PREX2: variants seen among roughly 807,000 people sequenced by gnomAD.
PREX2 encodes phosphatidylinositol 3,4,5-trisphosphate-dependent Rac exchanger 2 protein.
PREX2 carries 107 observed loss-of-function variants against 203.2 expected under a neutral mutation model. The ratio of observed to expected loss-of-function variants is 0.53; its 90% CI spans 0.45 to 0.62. PREX2 has a LOEUF of 0.62. Ranked by LOEUF, PREX2 falls within the 20% of genes least tolerant of loss-of-function variation. PREX2 has a pLI of 0.00. For missense variants in PREX2, 1,777 were observed against 1,955.9 expected (o/e 0.91, Z 1.72); for synonymous variants, 672 against 663.6 (o/e 1.01, Z -0.19).
At position 68,055,950 on chromosome 8, in the gene PREX2, C is replaced by T. The variant is rs201801050; in HGVS notation, c.1214C>T (p.Thr405Met). 1.7e-4 allele frequency: 279 copies of T among 1,611,930 alleles called. No homozygotes were observed. Among genetic ancestry groups the T allele is most frequent in the Non-Finnish European group, 2.1e-4 (248 of 1,179,342 alleles). The change falls in exon 10 of 40, where the codon ACG (threonine) becomes ATG (methionine). Residue 405 changes from threonine (T) to methionine (M), a missense_variant. By Grantham distance (81) the Thr-to-Met change is moderately conservative. Transcript: ENST00000288368. ...LIKDRKRKLT[T>M]FPKCFLGSEF... is the part of the protein sequence containing the mutation. ...AAAGACCGAAAGAGAAAACTGACTA[C>T]GTTCCCTAAATGCTTTCTTGGAAGG...
intron 23 of PREX2, among the ~76,000 whole-genome samples, chr8:68,104,538 G>T (rs544984984): frequency 6.6e-6 from 1 of 152,304 alleles, no homozygotes; most frequent in Non-Finnish European, 1.5e-5. Flanking sequence ...GCCAGCTTCA[G>T]TGAGGCCTGT....
At chr8:68,074,754 G>A (rs980919843) in intron 14 of PREX2, among the ~76,000 whole-genome samples, 8 of 152,172 alleles carry the variant, frequency 5.3e-5, no homozygotes, top group African/African-American at 1.9e-4. Context: ...TGAATGTCCA[G>A]TATGGACTGA....
intron 18 of PREX2, among the ~76,000 whole-genome samples, chr8:68,085,261 T>G (rs1384984631): frequency 6.6e-6 from 1 of 152,244 alleles, no homozygotes; most frequent in African/African-American, 2.4e-5. Context: ...TGTTGTCTTC[T>G]CATTTTATTA....
intron 1 of PREX2, among the ~76,000 whole-genome samples, chr8:67,998,093 G>C (rs1011577578): frequency 6.6e-6 from 1 of 152,146 alleles, no homozygotes; most frequent in Non-Finnish European, 1.5e-5. Context: ...ATATTTTATA[G>C]CCTAGTTGTC....
At chr8:68,126,208 T>G (rs1366003423) in intron 30 of PREX2, among the ~76,000 whole-genome samples, 1 of 152,132 alleles carries the variant, frequency 6.6e-6, no homozygotes, top group Non-Finnish European at 1.5e-5. Flanking sequence ...CAGTGATAAT[T>G]TAAAGTTTTA....
At chr8:67,975,278 T>G (rs1806044954) in intron 1 of PREX2, among the ~76,000 whole-genome samples, 1 of 64,334 alleles carries the variant, frequency 1.6e-5, no homozygotes, top group East Asian at 1.3e-3. Context: ...GCCTGTTTTT[T>G]TTTTTTTTTT....
At chr8:67,954,837 C>G (rs1235403655) in intron 1 of PREX2, among the ~76,000 whole-genome samples, 1 of 151,972 alleles carries the variant, frequency 6.6e-6, no homozygotes, top group Non-Finnish European at 1.5e-5. Flanking sequence ...CTTAACTGCC[C>G]TATAAATAAG....
At chr8:68,148,481 C>T (rs1811371013) in intron 34 of PREX2, among the ~76,000 whole-genome samples, 1 of 152,128 alleles carries the variant, frequency 6.6e-6, no homozygotes, top group South Asian at 2.1e-4. Flanking sequence ...AAAATTATTG[C>T]ATCTATGACA....
At chr8:68,130,869 T>C (rs1415119236) in intron 31 of PREX2, among the ~76,000 whole-genome samples, 2 of 152,168 alleles carry the variant, frequency 1.3e-5, no homozygotes, top group Admixed American at 6.6e-5. Flanking sequence ...CAGTACTTCC[T>C]TGGGGAGAGG....
intron 1 of PREX2, among the ~76,000 whole-genome samples, chr8:67,969,484 T>A (rs1184919825): frequency 6.6e-6 from 1 of 152,060 alleles, no homozygotes; most frequent in East Asian, 1.9e-4. Context: ...GGATGGACCA[T>A]CCCATAATAA....
chr8:68,134,183 G>T lies in PREX2; in HGVS notation c.3891G>T (p.Glu1297Asp). The T allele has an allele frequency of 6.2e-7, 1 of 1,614,154 alleles. No individual in the cohort carries two copies. Among genetic ancestry groups the T allele is most frequent in the South Asian group, 1.1e-5 (1 of 91,088 alleles). The change falls in exon 32 of 40, where the codon GAG becomes GAT. Residue 1297 changes from glutamate to aspartate, a missense_variant. Transcript: ENST00000288368. The part of the protein sequence containing the change: ...NQMFDNSKEN[E>D]METWEASRRW... ...TGTTTGACAACAGCAAGGAAAATGAGATGGAAACTTGGGAAGCCAGCAGGA... is the reference window on the plus strand; with the variant it reads ...TGTTTGACAACAGCAAGGAAAATGATATGGAAACTTGGGAAGCCAGCAGGA...
intron 13 of PREX2, among the ~76,000 whole-genome samples, chr8:68,071,688 G>C (rs1809199149): frequency 1.3e-5 from 2 of 152,166 alleles, no homozygotes; most frequent in Admixed American, 1.3e-4. Flanking sequence ...ACTGAACGGA[G>C]AGTCTGAGGT....
intron 1 of PREX2, among the ~76,000 whole-genome samples, chr8:68,011,842 CAAACTAG>C (rs1344978958): frequency 3.9e-5 from 6 of 152,000 alleles, no homozygotes; most frequent in Admixed American, 1.3e-4. Context: ...ACTGCAGAAA[CAAACTAG>C]AAGTTAAATG....
intron 19 of PREX2, 51 bp from the exon 20 acceptor site, chr8:68,090,528 A>T (rs56120247): frequency 1.3e-6 from 2 of 1,516,332 alleles, no homozygotes; most frequent in South Asian, 2.4e-5. Flanking sequence ...CATACAAATG[A>T]ATCTTATTCC....
intron 31 of PREX2, among the ~76,000 whole-genome samples, chr8:68,131,195 G>T (rs969986548): frequency 6.6e-6 from 1 of 152,186 alleles, no homozygotes; most frequent in African/African-American, 2.4e-5. Context: ...GAGGGAAGTG[G>T]TATGTTGAGA....
At chr8:68,101,567 C>A in intron 23 of PREX2, 2 of 448,722 alleles carry the variant, frequency 4.5e-6, no homozygotes, top group Non-Finnish European at 4.4e-6. Flanking sequence ...CTTCTCCTTT[C>A]TCTATAAAAC....
intron 35 of PREX2, among the ~76,000 whole-genome samples, chr8:68,159,205 A>C (rs1348960083): frequency 6.6e-5 from 10 of 152,182 alleles, no homozygotes; most frequent in Non-Finnish European, 1.3e-4. Flanking sequence ...CTCAAAAACA[A>C]TGGACAAGAC....
At chr8:68,066,728 CATTTGTCTATTTTT>C (rs1049184197) in intron 11 of PREX2, among the ~76,000 whole-genome samples, 3 of 151,932 alleles carry the variant, frequency 2.0e-5, no homozygotes, top group Non-Finnish European at 2.9e-5. Flanking sequence ...GATGCAATTG[CATTTGTCTATTTTT>C]ATTTGTCTAT....
chr8:68,063,730 G>A (rs1414264493), intron 11 of PREX2, among the ~76,000 whole-genome samples: 2 of 152,048 alleles, frequency 1.3e-5, no homozygotes, highest in Non-Finnish European at 2.9e-5. Context: ...TGGGTTTCTT[G>A]ATGGACAGCG....
Sources: gnomAD v4.1 joint callset for allele counts (sites outside exome capture counted in the v4.1 genomes callset) on GRCh38, gnomAD v4.1.1 for gene constraint, MANE v1.5 for transcripts, NCBI Gene and HGNC (gene_info 2026-07-23, HGNC 2026-07-21) for gene names.